Variants in NRXN2 observed in about 807,000 individuals in gnomAD.
NRXN2 encodes neurexin 2, also known as neurexin-2-beta.
NRXN2 carries 29 observed loss-of-function variants against 128.8 expected under a neutral mutation model. The ratio of observed to expected loss-of-function variants is 0.23; its 90% CI spans 0.17 to 0.31. The LOEUF (loss-of-function observed/expected upper bound fraction) is 0.31. Among genes scored for constraint, NRXN2 ranks in the 10% least tolerant of loss-of-function variants. NRXN2 has a pLI of 1.00. For missense variants in NRXN2, 1,881 were observed against 2,452.6 expected (o/e 0.77, Z 4.92); for synonymous variants, 1,098 against 1,075.2 (o/e 1.02, Z -0.41).
At chr11:64,685,147 G>A (rs1386554929) in intron 6 of NRXN2, among the ~76,000 whole-genome samples, 2 of 152,192 alleles carry the variant, frequency 1.3e-5, no homozygotes, top group Admixed American at 6.5e-5. Context: ...CATCCTGCCC[G>A]CACACATTAA....
intron 17 of NRXN2, chr11:64,643,197 G>A: frequency 1.0e-6 from 1 of 979,228 alleles, no homozygotes; most frequent in Non-Finnish European, 1.2e-6. Context: ...GAAATCCTGC[G>A]GAAAAACCGA....
intron 7 of NRXN2, among the ~76,000 whole-genome samples, chr11:64,674,358 T>A (rs940404754): frequency 3.3e-5 from 5 of 151,908 alleles, no homozygotes; most frequent in Non-Finnish European, 7.4e-5. Context: ...ACCCAGCTAT[T>A]TTTTTGTATT....
chr11:64,712,824 GC>G, intron 2 of NRXN2, 145 bp downstream of exon 2: 1 of 696,868 alleles, frequency 1.4e-6, no homozygotes, highest in Non-Finnish European at 2.4e-6. Flanking sequence ...ACGCGTCCCC[GC>G]AGCCCTGGAG....
In NRXN2 at chr11:64,709,497, G is replaced by C. The variant is rs1384155828; in HGVS notation, c.730+3473C>G. 5.9e-5 allele frequency among the ~76,000 whole-genome samples: 9 copies of C among 152,214 alleles called. No homozygotes were observed. In the East Asian group the frequency reaches 1.5e-3, roughly 26 times the overall value. ...ATAGAAGAAGAAATGAGGTTGCAGA[G>C]TGGGGAGAGAAAAGAAGGGAATCAG... is the stretch of plus-strand genomic sequence containing the variant. On this transcript the variant is annotated intron_variant, in intron 2 of 22. Transcript: ENST00000265459.
rs763107598 is a variant in NRXN2 at position 64,651,518 on chromosome 11, G to A, written c.2655C>T (p.Leu885=). Residue 885 remains leucine, a synonymous_variant, in exon 14 of 23, where the codon CTC becomes CTT. Coordinates refer to ENST00000265459, the MANE Select transcript of NRXN2 (RefSeq NM_015080.4). This position sits in a 1 kb window ranked among gnomAD's most constrained non-coding sequence, Gnocchi z 5.9. ...CCATGTAGGGCTGGCCATTGAACAC[G>A]AGCCCACTCAGATGCCCGATGAAGT... The part of the protein sequence containing the change: ...PSNFIGHLSG[L]VFNGQPYMDQ... 5.0e-6 allele frequency: 8 copies of A among 1,614,036 alleles called. No homozygotes were observed. Among genetic ancestry groups the A allele is most frequent in the South Asian group, 3.3e-5 (3 of 91,082 alleles).
At chr11:64,701,020 C>T (rs569998815) in intron 2 of NRXN2, among the ~76,000 whole-genome samples, 46 of 152,332 alleles carry the variant, frequency 3.0e-4, no homozygotes, top group Middle Eastern at 3.4e-3. Flanking sequence ...CCTAGAAATC[C>T]TTATCATCCC....
chr11:64,704,621 CACAGAGAGAGAGAG>C (rs2055976878), intron 2 of NRXN2, among the ~76,000 whole-genome samples: 2 of 88,930 alleles, frequency 2.2e-5, no homozygotes, highest in South Asian at 3.9e-4. Flanking sequence ...CACACACACA[CACAGAGAGAGAGAG>C]AGAGAGAGAG....
rs1196364658 is a variant in NRXN2, at chr11:64,622,927, A to G, written c.3999T>C (p.Thr1333=). The change falls in exon 21 of 23, where the codon ACT becomes ACC. Residue 1333 remains threonine, a synonymous_variant. Transcript: ENST00000265459. This position sits in a 1 kb window ranked among gnomAD's most constrained non-coding sequence, Gnocchi z 4.3. ...LAAESDPNVR[T]EGHLRLVGEG... ...CCCCCACCAGGCGCAGGTGACCCTC[A>G]GTCCGCACATTGGGGTCGCTCTCGG... 2 of 1,613,262 alleles carry G rather than the reference A, an allele frequency of 1.2e-6. No homozygotes were observed. Among genetic ancestry groups the G allele is most frequent in the Admixed American group, 3.3e-5 (2 of 59,948 alleles).
At chr11:64,628,407 G>A (rs1183863131) in intron 19 of NRXN2, among the ~76,000 whole-genome samples, 3 of 152,124 alleles carry the variant, frequency 2.0e-5, no homozygotes, top group Non-Finnish European at 4.4e-5. Context: ...GCATACTGAT[G>A]GTCTGACCTG....
intron 17 of NRXN2, among the ~76,000 whole-genome samples, chr11:64,645,333 C>T (rs2046482219): frequency 6.6e-6 from 1 of 151,232 alleles, no homozygotes; most frequent in Admixed American, 6.6e-5. Context: ...GGGGCCAAGG[C>T]TGAGAAGGGA....
At chr11:64,710,274 GATACAT>G (rs1392575340) in intron 2 of NRXN2, among the ~76,000 whole-genome samples, 2 of 151,992 alleles carry the variant, frequency 1.3e-5, no homozygotes, top group Non-Finnish European at 1.5e-5. Flanking sequence ...CAATGGGTCA[GATACAT>G]ATATTCAACC....
intron 22 of NRXN2, among the ~76,000 whole-genome samples, chr11:64,614,428 G>A (rs769458341): frequency 5.9e-5 from 9 of 152,214 alleles, no homozygotes; most frequent in Non-Finnish European, 1.2e-4. Flanking sequence ...GCAGGGGTGG[G>A]CTATCATGCT....
rs745870172 is a variant in NRXN2, at chr11:64,713,220, G to T, written c.480C>A (p.Arg160=). The change falls in exon 2 of 23, where the codon CGC becomes CGA. Residue 160 remains arginine, a synonymous_variant. Transcript: ENST00000265459. ...CGGTGCTCAGCGTAAGCGCCGAGAG[G>T]CGCACGTCGGGCGGGATGCCGCCCA... ...LFVGGIPPDV[R]LSALTLSTVK... 6.1e-6 allele frequency: 9 copies of T among 1,466,622 alleles called. No homozygotes were observed. Among genetic ancestry groups the T allele is most frequent in the Non-Finnish European group, 7.2e-6 (8 of 1,113,066 alleles). The allele number at this position is 1,466,622 out of a possible 1,614,324, so 90.9% of individuals were successfully genotyped here. A position where few individuals can be genotyped will look rare whatever the true frequency, so the allele number is the denominator to read the frequency against.
intron 22 of NRXN2, among the ~76,000 whole-genome samples, chr11:64,608,494 C>CTTTTTTTTTTTTTTTTGT (rs2040082462): frequency 9.0e-6 from 1 of 111,176 alleles, no homozygotes; most frequent in African/African-American, 3.0e-5. Context: ...TCTTTTTTTG[C>CTTTTTTTTTTTTTTTTGT]TTTTTTTTTT....
chr11:64,655,191 G>C (rs1042419566), intron 11 of NRXN2, among the ~76,000 whole-genome samples: 1 of 152,320 alleles, frequency 6.6e-6, no homozygotes, highest in African/African-American at 2.4e-5. Flanking sequence ...CCCTTCGGCA[G>C]TACAGCTGAG....
intron 22 of NRXN2, among the ~76,000 whole-genome samples, chr11:64,610,036 G>A (rs1012590685): frequency 6.6e-6 from 1 of 151,900 alleles, no homozygotes; most frequent in African/African-American, 2.4e-5. Flanking sequence ...TCTGCCCTGA[G>A]TTCAAACACT....
Position 64,631,824 on chromosome 11 carries a change from AC to A in NRXN2, c.3586-1252del, listed in dbSNP as rs1479514479. ...CCAAGCCAACGAAGGCCCATTAGGT[AC>A]TAAGCCTGAGCCCCTGTTTCACTTC... On this transcript the variant is annotated intron_variant, in intron 18 of 22. Transcript: ENST00000265459. The surrounding 1 kb of genome is among the most constrained non-coding windows in gnomAD (Gnocchi z 4.8). Among the ~76,000 whole-genome samples, 3 of 152,170 alleles carry A rather than the reference AC, an allele frequency of 2.0e-5. No individual in the cohort carries two copies. The highest frequency in any genetic ancestry group is 4.4e-5 in the Non-Finnish European group (3 of 68,030).
chr11:64,663,997 T>C (rs2049417054), intron 9 of NRXN2, among the ~76,000 whole-genome samples: 1 of 152,196 alleles, frequency 6.6e-6, no homozygotes, highest in South Asian at 2.1e-4. Flanking sequence ...GTAGCCAGAT[T>C]CTTACACAGA....
intron 12 of NRXN2, among the ~76,000 whole-genome samples, chr11:64,653,365 ACT>A (rs1190568849): frequency 6.6e-6 from 1 of 151,388 alleles, no homozygotes; most frequent in African/African-American, 2.4e-5. Flanking sequence ...GCTACCCAAG[ACT>A]CTGCCCCAGC....
Sources: gnomAD v4.1 joint callset for allele counts (sites outside exome capture counted in the v4.1 genomes callset) on GRCh38, gnomAD v4.1.1 for gene constraint, Gnocchi (gnomAD v3.1) non-coding constraint, MANE v1.5 for transcripts, NCBI Gene and HGNC (gene_info 2026-07-23, HGNC 2026-07-21) for gene names.